RNF169: variants seen among roughly 807,000 people sequenced by gnomAD.
RNF169 encodes the protein E3 ubiquitin-protein ligase RNF169.
In RNF169, 24 loss-of-function variants were observed where a neutral mutation model predicts 53.9. The observed-to-expected ratio is 0.45, with a 90% CI of 0.32 to 0.63. RNF169 has a LOEUF of 0.63. Among genes scored for constraint, RNF169 ranks in the 20% least tolerant of loss-of-function variants. RNF169 has a pLI of 0.04. For missense variants in RNF169, 883 were observed against 906.2 expected (o/e 0.97, Z 0.33); for synonymous variants, 396 against 363.5 (o/e 1.09, Z -1.02).
intron 2 of RNF169, among the ~76,000 whole-genome samples, chr11:74,802,404 G>T (rs12574850): frequency 0.23 from 35,228 of 152,180 alleles, 5,409 homozygotes; most frequent in East Asian, 0.54. Context: ...CCAGCACTTT[G>T]GGAGGCCGAG....
At chr11:74,774,784 G>A (rs986760889) in intron 1 of RNF169, among the ~76,000 whole-genome samples, 3 of 151,822 alleles carry the variant, frequency 2.0e-5, no homozygotes, top group Admixed American at 6.6e-5. Context: ...ATGAAACCCC[G>A]TCTCTACTAA....
At chr11:74,758,742 G>C (rs1180681881) in intron 1 of RNF169, among the ~76,000 whole-genome samples, 3 of 152,224 alleles carry the variant, frequency 2.0e-5, no homozygotes, top group East Asian at 3.9e-4. Context: ...CTGACCTCGT[G>C]ATCCGCCCAC....
intron 1 of RNF169, among the ~76,000 whole-genome samples, chr11:74,772,363 A>C (rs906193542): frequency 6.6e-6 from 1 of 152,030 alleles, no homozygotes; most frequent in Non-Finnish European, 1.5e-5. Context: ...AAATACTACA[A>C]CCACACAGGG....
At chr11:74,774,004 G>A (rs1283788489) in intron 1 of RNF169, among the ~76,000 whole-genome samples, 6 of 152,182 alleles carry the variant, frequency 3.9e-5, no homozygotes, top group Admixed American at 1.3e-4. Context: ...AGGTGCTAGG[G>A]ATACAAAGAT....
At chr11:74,829,050 A>G (rs1163895247) in intron 4 of RNF169, among the ~76,000 whole-genome samples, 2 of 152,246 alleles carry the variant, frequency 1.3e-5, no homozygotes, top group Non-Finnish European at 2.9e-5. Context: ...ATCAGAGTGA[A>G]CAGACAACCT....
At chr11:74,754,753 G>A (rs1427826262) in intron 1 of RNF169, among the ~76,000 whole-genome samples, 1 of 152,212 alleles carries the variant, frequency 6.6e-6, no homozygotes, top group Non-Finnish European at 1.5e-5. Context: ...CCGGGAGGTA[G>A]AGGTTGCAGT....
At position 74,838,570 on chromosome 11, in the gene RNF169, C is replaced by T. The variant is rs917199573; in HGVS notation, c.*1840C>T. 2.0e-5 allele frequency: 3 copies of T among 152,216 alleles called. No individual in the cohort carries two copies. The highest frequency in any genetic ancestry group is 2.1e-4 in the South Asian group (1 of 4,832). 9.4% of individuals were successfully genotyped at this position (152,216 alleles called of 1,614,324 possible). On this transcript the variant is annotated 3_prime_UTR_variant, in exon 6 of 6. Coordinates refer to ENST00000299563, the MANE Select transcript of RNF169 (RefSeq NM_001098638.2). Reference sequence around the variant, plus strand: ...ATAGGTGGAATCTCTTTGGTGACTACGTTGGTGGGGAACATCACTCACCTG... The same window carrying T: ...ATAGGTGGAATCTCTTTGGTGACTATGTTGGTGGGGAACATCACTCACCTG...
rs747994318 is a variant in RNF169, at chr11:74,836,217, C to T, written c.1614C>T (p.Gly538=). Residue 538 remains glycine, a synonymous_variant, in exon 6 of 6, where the codon GGC becomes GGT. Transcript: ENST00000299563. ...GTTCCTCAGAACTCAAAGGGGGAGG[C>T]AGTGGGACTTCTTTGGAGAGGGAGC... ...TCCSSELKGG[G]SGTSLEREQF... 1.2e-6 allele frequency: 2 copies of T among 1,614,024 alleles called. No homozygotes were observed. The highest frequency in any genetic ancestry group is 2.7e-5 in the African/African-American group (2 of 74,920).
intron 2 of RNF169, among the ~76,000 whole-genome samples, chr11:74,806,711 CA>C (rs1251135879): frequency 7.9e-5 from 12 of 151,720 alleles, no homozygotes; most frequent in African/African-American, 1.9e-4. Flanking sequence ...TGTAAGACTT[CA>C]CTTATATAAA....
At chr11:74,831,402 C>CA (rs1272577945) in intron 4 of RNF169, 2 of 152,054 alleles carry the variant, frequency 1.3e-5, no homozygotes, top group Admixed American at 1.3e-4. Flanking sequence ...ACAATAGCAT[C>CA]AAAAAATAGA....
chr11:74,813,003 A>G (rs1312101983), intron 3 of RNF169, among the ~76,000 whole-genome samples: 1 of 152,144 alleles, frequency 6.6e-6, no homozygotes, highest in Non-Finnish European at 1.5e-5. Context: ...TGCAATTTTC[A>G]TCTCATTGAA....
intron 1 of RNF169, among the ~76,000 whole-genome samples, chr11:74,785,941 C>CTTTTT (rs796451609): frequency 3.1e-4 from 40 of 130,176 alleles, no homozygotes; most frequent in Non-Finnish European, 5.1e-4. Flanking sequence ...GTTTTCTTTT[C>CTTTTT]TTTTTTTTTT....
rs984779637 is a variant in RNF169 at position 74,836,400 on chromosome 11, T to C, written c.1797T>C (p.Phe599=). 2 of 1,614,242 alleles carry C rather than the reference T, an allele frequency of 1.2e-6. No homozygotes were observed. The highest frequency in any genetic ancestry group is 1.3e-5 in the African/African-American group (1 of 75,062). Reference sequence around the variant, plus strand: ...AACAATTGAAGACATTAAATCATTTTGATCTGACTAATGGTGTTCTAGTTG... The same window carrying C: ...AACAATTGAAGACATTAAATCATTTCGATCTGACTAATGGTGTTCTAGTTG... ...TKQQLKTLNH[F]DLTNGVLVES... Residue 599 remains phenylalanine, a synonymous_variant, in exon 6 of 6, where the codon TTT becomes TTC. Transcript: ENST00000299563.
At chr11:74,831,533 A>G (rs983682444) in intron 4 of RNF169, 5 of 152,242 alleles carry the variant, frequency 3.3e-5, no homozygotes, top group Admixed American at 1.3e-4. Context: ...CTCATGGATT[A>G]GAAGACATAA....
rs1325581233 is a variant in RNF169 at position 74,758,548 on chromosome 11, C to T, written c.502+9166C>T. Among the ~76,000 whole-genome samples the T allele has an allele frequency of 1.3e-3, 191 of 151,818 alleles. 1 individual carries two copies. Among genetic ancestry groups the T allele is most frequent in the Admixed American group, 7.2e-4 (11 of 15,252 alleles). ...ACGGAGTCTCGCTCTGTCACCCAGGCTGGAGTGCAGTGGCGGGATCTCGGC... is the reference window on the plus strand; with the variant it reads ...ACGGAGTCTCGCTCTGTCACCCAGGTTGGAGTGCAGTGGCGGGATCTCGGC... On this transcript the variant is annotated intron_variant, in intron 1 of 5. Transcript: ENST00000299563.
chr11:74,781,903 A>T (rs891706705), intron 1 of RNF169, among the ~76,000 whole-genome samples: 3 of 152,178 alleles, frequency 2.0e-5, no homozygotes, highest in African/African-American at 7.2e-5. Flanking sequence ...GCACCTTCCC[A>T]TAGAGTCATT....
At chr11:74,767,546 G>A (rs1319941683) in intron 1 of RNF169, among the ~76,000 whole-genome samples, 2 of 151,698 alleles carry the variant, frequency 1.3e-5, no homozygotes, top group African/African-American at 2.4e-5. Flanking sequence ...GGGCCACCAC[G>A]TCTGGATAAT....
chr11:74,749,135 C>CT lies in RNF169; in HGVS notation c.256dup (p.Ser86PhefsTer100). The CT allele has an allele frequency of 7.5e-7, 1 of 1,330,998 alleles. No individual in the cohort carries two copies. The highest frequency in any genetic ancestry group is 9.6e-7 in the Non-Finnish European group (1 of 1,038,798). The allele number at this position is 1,330,998 out of a possible 1,614,324, so 82.4% of individuals were successfully genotyped here. On this transcript the variant is annotated frameshift_variant, in exon 1 of 6. Coordinates refer to ENST00000299563, the MANE Select transcript of RNF169 (RefSeq NM_001098638.2). LOFTEE classifies it high-confidence loss of function. ...AAGCAGCGGCCCTGCCGTGCGGCCA[C>CT]TCGCTTTGCCGAGGCTGCGCCCAAC...
rs1330966324 is a variant in RNF169 at position 74,836,783 on chromosome 11, T to A, written c.*53T>A. ...AAAGGTCTTAGGCCTTGATCATTTATCCTGAAGAGCTGAGTGTTCTCACTT... is the reference window on the plus strand; with the variant it reads ...AAAGGTCTTAGGCCTTGATCATTTAACCTGAAGAGCTGAGTGTTCTCACTT... On this transcript the variant is annotated 3_prime_UTR_variant, in exon 6 of 6. Coordinates refer to ENST00000299563, the MANE Select transcript of RNF169 (RefSeq NM_001098638.2). 1.7e-5 allele frequency: 23 copies of A among 1,360,820 alleles called. No homozygotes were observed. In the East Asian group the frequency reaches 5.3e-4, roughly 31 times the overall value. The allele number at this position is 1,360,820 out of a possible 1,614,324, so 84.3% of individuals were successfully genotyped here. A position where few individuals can be genotyped will look rare whatever the true frequency, so the allele number is the denominator to read the frequency against.
Sources: gnomAD v4.1 joint callset for allele counts (sites outside exome capture counted in the v4.1 genomes callset) on GRCh38, gnomAD v4.1.1 for gene constraint, MANE v1.5 for transcripts, NCBI Gene and HGNC (gene_info 2026-07-23, HGNC 2026-07-21) for gene names.